Variants in EPHA3 observed in about 807,000 individuals in gnomAD.
The protein encoded by EPHA3 is EPH receptor A3, also known as ephrin type-A receptor 3.
Under a neutral mutation model 107.1 loss-of-function variants are expected in EPHA3, and 42 were observed. That is an observed-to-expected ratio of 0.39 (90% CI 0.31 to 0.51). EPHA3 has a LOEUF of 0.51. EPHA3 is among the 20% of genes least tolerant of loss of function. The pLI is 0.78. For synonymous variants in EPHA3, 461 were observed against 424.8 expected (o/e 1.09, Z -1.05); for missense variants, 1,183 against 1,211.2 (o/e 0.98, Z 0.35).
chr3:89,244,708 C>T (rs1704991007), intron 3 of EPHA3, among the ~76,000 whole-genome samples: 1 of 152,078 alleles, frequency 6.6e-6, no homozygotes, highest in Non-Finnish European at 1.5e-5. Flanking sequence ...GGTAGTAATA[C>T]CAGTAATAGC....
chr3:89,268,626 A>G (rs1230516203), intron 3 of EPHA3, among the ~76,000 whole-genome samples: 1 of 152,010 alleles, frequency 6.6e-6, no homozygotes, highest in Non-Finnish European at 1.5e-5. Flanking sequence ...TAGTGTAGAC[A>G]GTTACCCTAT....
At chr3:89,452,736 T>C (rs1385658345) in intron 15 of EPHA3, among the ~76,000 whole-genome samples, 1 of 152,136 alleles carries the variant, frequency 6.6e-6, no homozygotes, top group Non-Finnish European at 1.5e-5. Context: ...GTTCCTATGA[T>C]TTTGGTGTCA....
At chr3:89,322,242 A>G (rs542996525) in intron 3 of EPHA3, among the ~76,000 whole-genome samples, 4 of 152,210 alleles carry the variant, frequency 2.6e-5, no homozygotes, top group African/African-American at 9.6e-5. Context: ...AAATAATGCT[A>G]TGATCACCTA....
chr3:89,225,459 T>C, intron 3 of EPHA3, among the ~76,000 whole-genome samples: 1 of 152,340 alleles, frequency 6.6e-6, no homozygotes. Flanking sequence ...TATTGCTACA[T>C]TTCTCTTAGC....
chr3:89,469,472 T>C (rs1017617542), intron 15 of EPHA3, among the ~76,000 whole-genome samples: 10 of 152,214 alleles, frequency 6.6e-5, no homozygotes. Context: ...AGTAATAGCA[T>C]GTAGGTGTAG....
intron 1 of EPHA3, among the ~76,000 whole-genome samples, chr3:89,126,240 C>G (rs1410196877): frequency 6.6e-6 from 1 of 151,648 alleles, no homozygotes; most frequent in Non-Finnish European, 1.5e-5. Context: ...TTCACATCCT[C>G]CATTAGTCAA....
At chr3:89,335,771 A>C (rs1366392138) in intron 3 of EPHA3, among the ~76,000 whole-genome samples, 2 of 152,222 alleles carry the variant, frequency 1.3e-5, no homozygotes, top group African/African-American at 4.8e-5. Context: ...ATTTGCTTCC[A>C]CTTGAAAGAT....
At chr3:89,192,943 A>G (rs1425537105) in intron 2 of EPHA3, among the ~76,000 whole-genome samples, 1 of 152,114 alleles carries the variant, frequency 6.6e-6, no homozygotes, top group Non-Finnish European at 1.5e-5. Flanking sequence ...TTGAGGTAGA[A>G]TTTAGAGAAA....
At chr3:89,384,648 G>A (rs988127439) in intron 5 of EPHA3, among the ~76,000 whole-genome samples, 1 of 152,138 alleles carries the variant, frequency 6.6e-6, no homozygotes, top group African/African-American at 2.4e-5. Context: ...GGTATCTTAT[G>A]TTTCAGGTAC....
chr3:89,419,066 G>A (rs1709304547), intron 10 of EPHA3, 139 bp from the exon 11 acceptor site: 2 of 694,286 alleles, frequency 2.9e-6, no homozygotes, highest in Admixed American at 6.8e-5. Flanking sequence ...AAAATAATTT[G>A]GAGTACTAGA....
At chr3:89,283,044 A>G (rs1576287783) in intron 3 of EPHA3, among the ~76,000 whole-genome samples, 2 of 152,126 alleles carry the variant, frequency 1.3e-5, no homozygotes, top group South Asian at 2.1e-4. Context: ...GCCAGGCAAA[A>G]TAATTATCAT....
chr3:89,365,490 C>T (rs1323070187), intron 5 of EPHA3, among the ~76,000 whole-genome samples: 1 of 150,700 alleles, frequency 6.6e-6, no homozygotes, highest in Non-Finnish European at 1.5e-5. Context: ...CATAGCTTTT[C>T]ACCTTGGTTT....
intron 11 of EPHA3, among the ~76,000 whole-genome samples, chr3:89,425,496 G>A (rs1709437231): frequency 6.7e-6 from 1 of 149,916 alleles, no homozygotes; most frequent in African/African-American, 2.4e-5. Context: ...ACCCTCATTA[G>A]AGTGTGTTTA....
intron 8 of EPHA3, 125 bp from the exon 9 acceptor site, chr3:89,407,942 C>G: frequency 1.0e-6 from 1 of 961,266 alleles, no homozygotes; most frequent in South Asian, 1.7e-5. Flanking sequence ...AGTTATTAAA[C>G]TTTCACTAAA....
intron 3 of EPHA3, among the ~76,000 whole-genome samples, chr3:89,287,789 A>G (rs1387205345): frequency 1.3e-5 from 2 of 152,248 alleles, no homozygotes; most frequent in East Asian, 3.9e-4. Context: ...ACAAGTAGAT[A>G]TTGACCCAAA....
intron 5 of EPHA3, among the ~76,000 whole-genome samples, chr3:89,394,119 G>T (rs1479611931): frequency 6.6e-6 from 1 of 152,170 alleles, no homozygotes; most frequent in Admixed American, 6.5e-5. Context: ...CTTGGCAAAA[G>T]ATTAAGTCAG....
chr3:89,424,461 G>A (rs542402434), intron 11 of EPHA3, among the ~76,000 whole-genome samples: 3 of 150,882 alleles, frequency 2.0e-5, no homozygotes, highest in Non-Finnish European at 4.5e-5. Context: ...ATTTCTTTTC[G>A]AGAGAAAACA....
chr3:89,219,569 G>A lies in EPHA3; in HGVS notation c.814+9049G>A, dbSNP rs146953966. Among the ~76,000 whole-genome samples, 427 of 151,742 alleles carry A rather than the reference G, an allele frequency of 2.8e-3. 3 individuals are homozygous for A. Among genetic ancestry groups the A allele is most frequent in the Non-Finnish European group, 4.2e-3 (286 of 67,922 alleles). ...CCCTCAAGGAACTTAGATTTGAGTG[G>A]AAATATTAAGAAACCACATGTTAAT... On this transcript the variant is annotated intron_variant, in intron 3 of 16. Transcript: ENST00000336596.
intron 2 of EPHA3, among the ~76,000 whole-genome samples, chr3:89,181,372 A>G (rs1360631590): frequency 6.6e-6 from 1 of 151,960 alleles, no homozygotes; most frequent in South Asian, 2.1e-4. Flanking sequence ...TTTTTCTTAC[A>G]GCAAAATATA....
Sources: allele counts gnomAD v4.1 joint callset (sites outside exome capture counted in the v4.1 genomes callset), GRCh38; gene constraint gnomAD v4.1.1; transcripts MANE v1.5; gene names NCBI Gene and HGNC (gene_info 2026-07-23, HGNC 2026-07-21).